Variants in DYSF observed in about 807,000 individuals in gnomAD.
The protein encoded by DYSF is dystrophy-associated fer-1-like 1.
DYSF carries 212 observed loss-of-function variants against 274.9 expected under a neutral mutation model. The ratio of observed to expected loss-of-function variants is 0.77; its 90% CI spans 0.69 to 0.86. DYSF has a LOEUF of 0.86. Ranked by LOEUF, DYSF falls within the 40% of genes least tolerant of loss-of-function variation. The pLI is 0.00. For synonymous variants in DYSF, 1,091 were observed against 1,078.7 expected (o/e 1.01, Z -0.22); for missense variants, 2,666 against 2,783.2 (o/e 0.96, Z 0.95).
intron 3 of DYSF, among the ~76,000 whole-genome samples, chr2:71,484,473 G>T (rs935728936): frequency 6.6e-6 from 1 of 152,152 alleles, no homozygotes; most frequent in Admixed American, 6.5e-5. Flanking sequence ...AGAGTAACTG[G>T]AGTATCCATC....
chr2:71,549,390 C>A (rs2090757227), intron 17 of DYSF: 1 of 1,611,568 alleles, frequency 6.2e-7, no homozygotes. Context: ...AAGCCTCAGA[C>A]TGTACGTTGC....
chr2:71,667,293 C>A, intron 47 of DYSF, 83 bp from the exon 48 acceptor site: 1 of 1,603,094 alleles, frequency 6.2e-7, no homozygotes, highest in Non-Finnish European at 8.5e-7. Context: ...CTTAGGCAGC[C>A]CTGCTCAGCC....
At position 71,567,934 on chromosome 2, in the gene DYSF, C is replaced by T. The variant is rs753605330; in HGVS notation, c.2566-17C>T. The T allele has an allele frequency of 3.1e-6, 5 of 1,613,742 alleles. No individual in the cohort carries two copies. The highest frequency in any genetic ancestry group is 2.2e-5 in the South Asian group (2 of 91,038). ...CCTGAAGGGGACTGTGGGTTTCTGTCCTTCTCTGGTACCCAGTATCCGATG... is the reference window on the plus strand; with the variant it reads ...CCTGAAGGGGACTGTGGGTTTCTGTTCTTCTCTGGTACCCAGTATCCGATG... On this transcript the variant is annotated splice_polypyrimidine_tract_variant and intron_variant, in intron 24 of 55. Transcript: ENST00000410020.
chr2:71,581,843 TGCTTTTGTAAATAAG>T (rs2092908345), intron 30 of DYSF, among the ~76,000 whole-genome samples: 1 of 152,186 alleles, frequency 6.6e-6, no homozygotes, highest in East Asian at 1.9e-4. Context: ...GCCCTCTGCC[TGCTTTTGTAAATAAG>T]GCTTTATTGG....
intron 20 of DYSF, 144 bp downstream of exon 20, chr2:71,553,332 C>A: frequency 8.4e-7 from 1 of 1,188,678 alleles, no homozygotes; most frequent in Non-Finnish European, 1.2e-6. Flanking sequence ...CCAGCTGTCC[C>A]CTTGCTCTCC....
intron 11 of DYSF, among the ~76,000 whole-genome samples, chr2:71,520,412 C>G (rs1029730281): frequency 6.6e-6 from 1 of 152,178 alleles, no homozygotes; most frequent in African/African-American, 2.4e-5. Flanking sequence ...TCTCCGTTGG[C>G]CCATTCAGGG....
At chr2:71,471,915 G>C (rs1288305374) in intron 1 of DYSF, among the ~76,000 whole-genome samples, 2 of 150,234 alleles carry the variant, frequency 1.3e-5, no homozygotes, top group African/African-American at 4.9e-5. Context: ...GCAGTGAGCC[G>C]AGATCTCACC....
intron 52 of DYSF, among the ~76,000 whole-genome samples, chr2:71,676,121 A>C (rs948976040): frequency 6.6e-6 from 1 of 152,008 alleles, no homozygotes; most frequent in Admixed American, 6.6e-5. Flanking sequence ...TGTGAGTAAC[A>C]CCCTCGGCAT....
intron 29 of DYSF, among the ~76,000 whole-genome samples, chr2:71,571,235 ACAG>A: frequency 6.6e-6 from 1 of 150,426 alleles, no homozygotes; most frequent in East Asian, 2.0e-4. Context: ...CTCAGCACAC[ACAG>A]ATCACACCCA....
intron 3 of DYSF, among the ~76,000 whole-genome samples, chr2:71,499,401 T>C (rs1037106201): frequency 1.2e-4 from 18 of 152,246 alleles, no homozygotes; most frequent in African/African-American, 4.3e-4. Context: ...GTGAATTGCC[T>C]CCTGTGTTTT....
At chr2:71,617,993 T>C (rs1267729385) in intron 40 of DYSF, among the ~76,000 whole-genome samples, 1 of 116,076 alleles carries the variant, frequency 8.6e-6, no homozygotes, top group Non-Finnish European at 1.7e-5. Flanking sequence ...AGAGGTGAGG[T>C]ATATGTGTGT....
chr2:71,537,217 A>AGTTTT (rs1553536522), intron 16 of DYSF, among the ~76,000 whole-genome samples: 27,579 of 86,528 alleles, frequency 0.32, 4,913 homozygotes, highest in Non-Finnish European at 0.42. Flanking sequence ...TTTACTTTCT[A>AGTTTT]GTTTTGTTTT....
At chr2:71,541,219 G>A (rs1041365144) in intron 17 of DYSF, among the ~76,000 whole-genome samples, 1 of 152,142 alleles carries the variant, frequency 6.6e-6, no homozygotes, top group South Asian at 2.1e-4. Flanking sequence ...AGTCCTTTGA[G>A]GGTTTGAAAT....
chr2:71,592,597 CAT>C (rs146815240), intron 32 of DYSF, among the ~76,000 whole-genome samples: 219 of 152,300 alleles, frequency 1.4e-3, no homozygotes, highest in African/African-American at 5.1e-3. Context: ...TGAGGAAACT[CAT>C]GTGTGAATCC....
chr2:71,536,307 CA>C (rs1185152177), intron 16 of DYSF, among the ~76,000 whole-genome samples: 1 of 152,172 alleles, frequency 6.6e-6, no homozygotes, highest in Non-Finnish European at 1.5e-5. Context: ...CCCCAGGCCA[CA>C]GAGCCATTAA....
At chr2:71,561,381 G>A (rs934017194) in intron 22 of DYSF, among the ~76,000 whole-genome samples, 2 of 152,104 alleles carry the variant, frequency 1.3e-5, no homozygotes, top group Non-Finnish European at 1.5e-5. Context: ...GGAGGATCCA[G>A]GAGGCAGGAG....
intron 32 of DYSF, among the ~76,000 whole-genome samples, chr2:71,595,786 T>C (rs1046830490): frequency 3.3e-5 from 5 of 152,236 alleles, no homozygotes; most frequent in African/African-American, 1.2e-4. Flanking sequence ...TAGGGCACGA[T>C]GTGCGCTGCA....
chr2:71,513,997 G>A (rs2086382745), intron 7 of DYSF, 76 bp downstream of exon 7: 1 of 1,556,598 alleles, frequency 6.4e-7, no homozygotes, highest in Non-Finnish European at 8.8e-7. Context: ...TGCCTGGTTT[G>A]TCCAGCTTCA....
chr2:71,617,260 T>G (rs1026425209), intron 40 of DYSF, among the ~76,000 whole-genome samples: 2 of 152,222 alleles, frequency 1.3e-5, no homozygotes, highest in African/African-American at 4.8e-5. Flanking sequence ...GTTCCGACTC[T>G]GGTCACAAAG....
Sources: gnomAD v4.1 joint callset for allele counts (sites outside exome capture counted in the v4.1 genomes callset) on GRCh38, gnomAD v4.1.1 for gene constraint, MANE v1.5 for transcripts, NCBI Gene and HGNC (gene_info 2026-07-23, HGNC 2026-07-21) for gene names.